The following AGAP1 variants were observed in gnomAD, a reference collection of about 807,000 sequenced individuals.
AGAP1 encodes ArfGAP with GTPase domain, ankyrin repeat and PH domain 1.
In AGAP1, 29 loss-of-function variants were observed where a neutral mutation model predicts 105.3. The ratio of observed to expected loss-of-function variants is 0.28; its 90% CI spans 0.21 to 0.38. The LOEUF (loss-of-function observed/expected upper bound fraction) is 0.38. Among genes scored for constraint, AGAP1 ranks in the 10% least tolerant of loss-of-function variants. The pLI is 1.00. For synonymous variants in AGAP1, 509 were observed against 485.9 expected (o/e 1.05, Z -0.63); for missense variants, 998 against 1,165.1 (o/e 0.86, Z 2.09).
chr2:236,072,950 C>G (rs978397342), intron 16 of AGAP1, among the ~76,000 whole-genome samples: 1 of 151,450 alleles, frequency 6.6e-6, no homozygotes, highest in South Asian at 2.1e-4. Flanking sequence ...TGTAACATGT[C>G]AATTCAGCAT....
At chr2:235,710,813 G>T (rs1237185288) in intron 2 of AGAP1, among the ~76,000 whole-genome samples, 1 of 152,172 alleles carries the variant, frequency 6.6e-6, no homozygotes, top group Non-Finnish European at 1.5e-5. Flanking sequence ...CTGCCACTCG[G>T]GTGCTGTGAT....
intron 10 of AGAP1, among the ~76,000 whole-genome samples, chr2:235,897,349 T>G (rs2050855226): frequency 6.6e-6 from 1 of 152,222 alleles, no homozygotes; most frequent in African/African-American, 2.4e-5. Flanking sequence ...CAAGTCCTCA[T>G]GTTTCTAAAA....
At chr2:235,785,931 G>T (rs371999057) in intron 6 of AGAP1, among the ~76,000 whole-genome samples, 4 of 152,180 alleles carry the variant, frequency 2.6e-5, no homozygotes, top group African/African-American at 9.7e-5. Context: ...ATGGAAGAGG[G>T]AAGTCCCGTA....
At chr2:235,758,335 G>T (rs556550533) in intron 6 of AGAP1, among the ~76,000 whole-genome samples, 2 of 152,050 alleles carry the variant, frequency 1.3e-5, no homozygotes, top group African/African-American at 4.8e-5. Context: ...ACAATTTAAC[G>T]GCTTATGATG....
chr2:236,034,131 C>A (rs2057307571), intron 13 of AGAP1, among the ~76,000 whole-genome samples: 1 of 152,056 alleles, frequency 6.6e-6, no homozygotes, highest in African/African-American at 2.4e-5. Context: ...GGGGCACTAT[C>A]CTATGAGAAT....
In AGAP1 at chr2:236,051,404, G is replaced by A. The variant is rs537226288; in HGVS notation, c.2114+2123G>A. ...GGGCTGCCTGAGGATGCCAGGGCTC[G>A]GGAGGGTGCATTCTGGGAGGTGTCA... On this transcript the variant is annotated intron_variant, in intron 16 of 17. Transcript: ENST00000304032. This position sits in a 1 kb window ranked among gnomAD's most constrained non-coding sequence, Gnocchi z 5.9. 1.9e-4 allele frequency among the ~76,000 whole-genome samples: 29 copies of A among 152,312 alleles called. No homozygotes were observed. Among genetic ancestry groups the A allele is most frequent in the Admixed American group, 1.4e-3 (21 of 15,300 alleles).
chr2:235,523,112 G>A (rs1942688239), intron 1 of AGAP1, among the ~76,000 whole-genome samples: 1 of 151,630 alleles, frequency 6.6e-6, no homozygotes, highest in Admixed American at 6.6e-5. Flanking sequence ...CTGCCTTCTC[G>A]CTGTGGCCTC....
At chr2:235,590,715 ATT>A (rs67076321) in intron 1 of AGAP1, among the ~76,000 whole-genome samples, 2,669 of 53,524 alleles carry the variant, frequency 0.05, 197 homozygotes, top group African/African-American at 0.13. Flanking sequence ...GTGTGTGTGC[ATT>A]TTTTTTTTTT....
At chr2:235,852,474 A>G (rs1278089106) in intron 9 of AGAP1, among the ~76,000 whole-genome samples, 3 of 152,198 alleles carry the variant, frequency 2.0e-5, no homozygotes, top group Non-Finnish European at 4.4e-5. Flanking sequence ...AGATCTTTTT[A>G]GGAAATTGGG....
At chr2:235,978,955 G>A (rs1377588799) in intron 13 of AGAP1, among the ~76,000 whole-genome samples, 3 of 152,080 alleles carry the variant, frequency 2.0e-5, no homozygotes. Context: ...TTTGCAGACA[G>A]TTAGAACCTA....
intron 1 of AGAP1, among the ~76,000 whole-genome samples, chr2:235,584,902 CTTTTTTTTTT>C (rs10629736): frequency 2.9e-4 from 29 of 98,520 alleles, no homozygotes; most frequent in East Asian, 2.0e-3. Context: ...AAGTCATTAC[CTTTTTTTTTT>C]TTTTTTTTTT....
intron 1 of AGAP1, among the ~76,000 whole-genome samples, chr2:235,519,949 A>C (rs1942553152): frequency 6.6e-6 from 1 of 151,844 alleles, no homozygotes; most frequent in African/African-American, 2.4e-5. Flanking sequence ...CACCTGGCTA[A>C]TTTTTTTGTA....
At position 236,087,654 on chromosome 2, in the gene AGAP1, C is replaced by T. The variant is rs1464913548; in HGVS notation, c.2115-32538C>T. ...TCACCTGGTGTTTTAAAGCTTTTCT[C>T]TGTTTCCATGTGGTGCCGTGAATAG... On this transcript the variant is annotated intron_variant, in intron 16 of 17. Coordinates refer to ENST00000304032, the MANE Select transcript of AGAP1 (RefSeq NM_001037131.3). This position sits in a 1 kb window ranked among gnomAD's most constrained non-coding sequence, Gnocchi z 5.7. Among the ~76,000 whole-genome samples the T allele has an allele frequency of 6.6e-6, 1 of 151,982 alleles. No individual in the cohort carries two copies. The highest frequency in any genetic ancestry group is 1.5e-5 in the Non-Finnish European group (1 of 68,020).
intron 1 of AGAP1, among the ~76,000 whole-genome samples, chr2:235,643,247 ATGG>A: frequency 2.0e-5 from 3 of 151,974 alleles, no homozygotes; most frequent in African/African-American, 7.3e-5. Context: ...CCTGGCCAAC[ATGG>A]TGAAACTCTG....
chr2:235,802,949 GGTGATGATGGTT>G (rs1957599618), intron 8 of AGAP1, among the ~76,000 whole-genome samples: 1 of 150,302 alleles, frequency 6.7e-6, no homozygotes, highest in Non-Finnish European at 1.5e-5. Context: ...TTGTAATGGT[GGTGATGATGGTT>G]GTGATGATGG....
Position 236,112,334 on chromosome 2 carries a change from T to G in AGAP1, c.2115-7858T>G, listed in dbSNP as rs567006963. Among the ~76,000 whole-genome samples the G allele has an allele frequency of 4.6e-5, 7 of 151,980 alleles. No individual in the cohort carries two copies. The East Asian group carries it at 1.4e-3, about 30-fold the overall frequency. On this transcript the variant is annotated intron_variant, in intron 16 of 17. Coordinates refer to ENST00000304032, the MANE Select transcript of AGAP1 (RefSeq NM_001037131.3). ...AGGAGGCTGAGGCAGGAGAATCGCT[T>G]GAACCCAGGAAGTGGAGGTTGCAGT...
At chr2:235,670,294 G>A (rs1433685815) in intron 1 of AGAP1, 12 of 444,852 alleles carry the variant, frequency 2.7e-5, no homozygotes, top group Non-Finnish European at 3.9e-5. Flanking sequence ...CCCCGGACGC[G>A]CCCGGGAGGC....
At position 235,906,726 on chromosome 2, in the gene AGAP1, G is replaced by T. The variant is rs1313053720; in HGVS notation, c.1156-2012G>T. Among the ~76,000 whole-genome samples the T allele has an allele frequency of 6.7e-6, 1 of 150,244 alleles. No individual in the cohort carries two copies. Among genetic ancestry groups the T allele is most frequent in the Non-Finnish European group, 1.5e-5 (1 of 68,040 alleles). ...GAGAAAACAGCTCTTCTCATCCTCT[G>T]CCCTGAGGACCCACAGTTTCATTCC... On this transcript the variant is annotated intron_variant, in intron 10 of 17. Coordinates refer to ENST00000304032, the MANE Select transcript of AGAP1 (RefSeq NM_001037131.3). This position sits in a 1 kb window ranked among gnomAD's most constrained non-coding sequence, Gnocchi z 5.3.
chr2:235,709,314 A>G, intron 2 of AGAP1, 77 bp downstream of exon 2: 2 of 1,501,636 alleles, frequency 1.3e-6, no homozygotes, highest in Non-Finnish European at 1.9e-6. Context: ...ATTCCCAGGC[A>G]ACTGGTCATC....
Sources: allele counts gnomAD v4.1 joint callset (sites outside exome capture counted in the v4.1 genomes callset), GRCh38; gene constraint gnomAD v4.1.1; non-coding constraint Gnocchi (gnomAD v3.1); transcripts MANE v1.5; gene names NCBI Gene and HGNC (gene_info 2026-07-23, HGNC 2026-07-21).